The following CPXM2 variants were observed in gnomAD, a reference collection of about 807,000 sequenced individuals.
CPXM2 encodes the protein inactive carboxypeptidase-like protein X2.
A neutral mutation model predicts 86.1 loss-of-function variants in CPXM2; 66 were observed. The observed-to-expected ratio is 0.77, with a 90% confidence interval of 0.63 to 0.94. The LOEUF is 0.94. Among genes scored for constraint, CPXM2 ranks in the 40% least tolerant of loss-of-function variants. CPXM2 has a pLI of 0.00. For missense variants in CPXM2, 948 were observed against 1,026.3 expected (o/e 0.92, Z 1.04); for synonymous variants, 388 against 400.2 (o/e 0.97, Z 0.36).
intron 2 of CPXM2, among the ~76,000 whole-genome samples, chr10:123,875,664 G>A (rs79337660): frequency 0.04 from 6,137 of 152,238 alleles, 170 homozygotes; most frequent in East Asian, 0.11. Flanking sequence ...CAATCCCCAA[G>A]TATGGTGCCT....
At chr10:123,914,007 C>T (rs773957760) in intron 2 of CPXM2, 3 of 494,016 alleles carry the variant, frequency 6.1e-6, no homozygotes, top group South Asian at 4.5e-5. Context: ...GCATTCCCTC[C>T]CCTGGGGTTT....
At chr10:123,823,030 C>T (rs1847962732) in intron 4 of CPXM2, among the ~76,000 whole-genome samples, 1 of 152,086 alleles carries the variant, frequency 6.6e-6, no homozygotes, top group South Asian at 2.1e-4. Context: ...GGAATTATAT[C>T]TCAATAAAGC....
intron 4 of CPXM2, among the ~76,000 whole-genome samples, chr10:123,838,908 T>A (rs1159263093): frequency 6.6e-6 from 1 of 152,166 alleles, no homozygotes; most frequent in African/African-American, 2.4e-5. Flanking sequence ...CCAGGGGTGT[T>A]CCTGTGAGGG....
At chr10:123,773,808 TAGTC>T (rs1011738342) in intron 7 of CPXM2, among the ~76,000 whole-genome samples, 1 of 152,168 alleles carries the variant, frequency 6.6e-6, no homozygotes, top group Non-Finnish European at 1.5e-5. Context: ...TTTGCCTTTT[TAGTC>T]AGCTCATCAC....
chr10:123,777,437 C>T (rs1395791740), intron 7 of CPXM2: 3 of 152,602 alleles, frequency 2.0e-5, no homozygotes, highest in Non-Finnish European at 4.4e-5. Flanking sequence ...CGGGTGACCT[C>T]CACTGGGCAG....
chr10:123,834,251 G>C (rs956639474), intron 4 of CPXM2, among the ~76,000 whole-genome samples: 3 of 152,164 alleles, frequency 2.0e-5, no homozygotes, highest in Admixed American at 1.3e-4. Flanking sequence ...AAGAGCCCCC[G>C]CTATGCTAGG....
At chr10:123,884,205 T>C (rs75543586) in intron 1 of CPXM2, among the ~76,000 whole-genome samples, 5,964 of 152,264 alleles carry the variant, frequency 0.039, 172 homozygotes, top group East Asian at 0.12. Context: ...GAGGTCCTTG[T>C]CTGCTTCTGC....
intron 2 of CPXM2, among the ~76,000 whole-genome samples, chr10:123,930,284 C>T (rs1945656630): frequency 6.6e-6 from 1 of 152,260 alleles, no homozygotes; most frequent in Non-Finnish European, 1.5e-5. Context: ...TTCAAAGTTA[C>T]TCTTTGAGAC....
intron 2 of CPXM2, among the ~76,000 whole-genome samples, chr10:123,899,576 C>T (rs964290554): frequency 8.5e-5 from 13 of 152,116 alleles, no homozygotes; most frequent in African/African-American, 1.2e-4. Context: ...CAGCACTTTG[C>T]GAGGCCGAGG....
At position 123,754,638 on chromosome 10, in the gene CPXM2, A is replaced by G. The variant is rs750472371; in HGVS notation, c.2017+25T>C. The G allele has an allele frequency of 8.2e-7, 1 of 1,220,342 alleles. No homozygotes were observed. Among genetic ancestry groups the G allele is most frequent in the East Asian group, 2.3e-5 (1 of 42,902 alleles). The allele number at this position is 1,220,342 out of a possible 1,614,324, so 75.6% of individuals were successfully genotyped here. A position where few individuals can be genotyped will look rare whatever the true frequency, so the allele number is the denominator to read the frequency against. The stretch of plus-strand genomic sequence containing the variant: ...AAAAATGGGTATTTCTTACCAAGAG[A>G]CAGTCTGCACACATTTGCAGTTACC... On this transcript the variant is annotated intron_variant, in intron 13 of 13. Coordinates refer to ENST00000241305, the MANE Select transcript of CPXM2 (RefSeq NM_198148.3). This position sits in a 1 kb window ranked among gnomAD's most constrained non-coding sequence, Gnocchi z 4.0.
intron 7 of CPXM2, among the ~76,000 whole-genome samples, chr10:123,771,768 T>C (rs1846638767): frequency 6.6e-6 from 1 of 152,108 alleles, no homozygotes; most frequent in African/African-American, 2.4e-5. Context: ...ATGGGGGTGG[T>C]TTCCCTCATG....
intron 13 of CPXM2, among the ~76,000 whole-genome samples, chr10:123,749,479 G>A (rs548303322): frequency 3.6e-4 from 55 of 152,210 alleles, no homozygotes; most frequent in Non-Finnish European, 5.9e-4. Context: ...CTGTGCTGTC[G>A]CTGGCCTTCT....
Position 123,930,593 on chromosome 10 carries a change from C to T in CPXM2, n.174+8884G>A, listed in dbSNP as rs996038623. Among the ~76,000 whole-genome samples, 31 of 152,184 alleles carry T rather than the reference C, an allele frequency of 2.0e-4. 1 individual carries two copies. Among genetic ancestry groups the T allele is most frequent in the African/African-American group, 7.2e-4 (30 of 41,446 alleles). On this transcript the variant is annotated intron_variant and non_coding_transcript_variant, in intron 2 of 19. Coordinates refer to the CPXM2 transcript ENST00000368854. ...CATCAGGACCTCCAAGTGCATACAA[C>T]CAAAAGATAGTAAGCCCAGAAGCAG...
rs766911329 is a variant in CPXM2 at position 123,746,824 on chromosome 10, G to T, written c.2211C>A (p.Pro737=). 27 of 1,614,024 alleles carry T rather than the reference G, an allele frequency of 1.7e-5. No individual in the cohort carries two copies. The highest frequency in any genetic ancestry group is 2.3e-5 in the Non-Finnish European group (27 of 1,180,014). Residue 737 remains proline (P), a synonymous_variant, in exon 14 of 14, where the codon CCC becomes CCA. Transcript: ENST00000241305. ...TCAGCCGCCTGGCTGGCAGGCTGAC[G>T]GGCTGCTTCCCAAACTTCTCCATGA... ...REIMEKFGKQ[P]VSLPARRLKL...
chr10:123,920,404 A>G (rs1382025983), intron 2 of CPXM2, among the ~76,000 whole-genome samples: 2 of 152,322 alleles, frequency 1.3e-5, no homozygotes, highest in East Asian at 1.9e-4. Context: ...ACAATGCAAA[A>G]TTATTTTACA....
chr10:123,818,211 T>G (rs1200700432), intron 4 of CPXM2, among the ~76,000 whole-genome samples: 2 of 152,206 alleles, frequency 1.3e-5, no homozygotes, highest in African/African-American at 2.4e-5. Context: ...TGGACATCAC[T>G]CAGCATCTTT....
intron 13 of CPXM2, chr10:123,750,496 G>A: frequency 1.0e-6 from 1 of 985,298 alleles, no homozygotes; most frequent in Non-Finnish European, 1.2e-6. Flanking sequence ...CCTTAGGGAG[G>A]GACCCTTCCT....
intron 13 of CPXM2, chr10:123,752,757 T>A (rs1375164647): frequency 4.3e-6 from 1 of 231,542 alleles, no homozygotes; most frequent in Non-Finnish European, 7.1e-6. Flanking sequence ...TGCCACTCAC[T>A]GGGTAATCCT....
At position 123,928,808 on chromosome 10, in the gene CPXM2, A is replaced by C. The variant is rs201238091; in HGVS notation, n.174+10669T>G. 1.2e-4 allele frequency among the ~76,000 whole-genome samples: 18 copies of C among 152,324 alleles called. No homozygotes were observed. The East Asian group carries it at 3.5e-3, about 29-fold the overall frequency. ...CCCTAGCCTTTGAGGCTTCCCAGAC[A>C]TCAGAGATAGGAATAAGCCATTCCC... On this transcript the variant is annotated intron_variant and non_coding_transcript_variant, in intron 2 of 19. Transcript: ENST00000368854.
Sources: allele counts gnomAD v4.1 joint callset (sites outside exome capture counted in the v4.1 genomes callset), GRCh38; gene constraint gnomAD v4.1.1; non-coding constraint Gnocchi (gnomAD v3.1); transcripts MANE v1.5; gene names NCBI Gene and HGNC (gene_info 2026-07-23, HGNC 2026-07-21).